HPX: variants seen among roughly 807,000 people sequenced by gnomAD.
HPX encodes the protein beta-1B-glycoprotein.
A neutral mutation model predicts 53.8 loss-of-function variants in HPX; 42 were observed. The ratio of observed to expected loss-of-function variants is 0.78; its 90% CI spans 0.61 to 1.01. HPX has a LOEUF of 1.01. Among genes scored for constraint, HPX ranks in the 50% least tolerant of loss-of-function variants. The probability of loss-of-function intolerance (pLI) is 0.00; values close to 1 mark genes in which losing one functional copy is unlikely to be tolerated. For synonymous variants in HPX, 229 were observed against 221.1 expected (o/e 1.04, Z -0.32); for missense variants, 547 against 594.3 (o/e 0.92, Z 0.83).
chr11:6,438,278 T>C, intron 5 of HPX, 78 bp downstream of exon 5: 2 of 1,432,184 alleles, frequency 1.4e-6, no homozygotes, highest in Non-Finnish European at 1.9e-6. Context: ...CCACCATCAC[T>C]ACCACTATCA....
At chr11:6,434,600 G>C (rs1164034070) in intron 7 of HPX, among the ~76,000 whole-genome samples, 2 of 152,154 alleles carry the variant, frequency 1.3e-5, no homozygotes, top group Non-Finnish European at 2.9e-5. Context: ...CACAGTGTTG[G>C]GATTATAGGC....
In HPX at chr11:6,435,969, CTCTT is replaced by C. The variant is rs1393174538; in HGVS notation, c.835+1073_835+1076del. The stretch of plus-strand genomic sequence containing the variant: ...TCACAATCTCTCACTCACTCTCTCT[CTCTT>C]TCTGCATTTCACTTTGTCTGTGTGT... On this transcript the variant is annotated intron_variant, in intron 7 of 9. Transcript: ENST00000265983. 2.0e-5 allele frequency among the ~76,000 whole-genome samples: 3 copies of C among 152,174 alleles called. No homozygotes were observed. The East Asian group carries it at 5.8e-4, about 29-fold the overall frequency.
Position 6,435,464 on chromosome 11 carries a change from TTTTG to T in HPX, c.835+1578_835+1581del, listed in dbSNP as rs201422155. The stretch of plus-strand genomic sequence containing the variant: ...GTTTGTTTGTTTGTTTTGTTTTGTT[TTTTG>T]TTTTTGTTTTTTTTGAGACATGGTC... On this transcript the variant is annotated intron_variant, in intron 7 of 9. Coordinates refer to ENST00000265983, the MANE Select transcript of HPX (RefSeq NM_000613.3). Among the ~76,000 whole-genome samples the T allele has an allele frequency of 3.5e-3, 529 of 152,162 alleles. 14 individuals carry two copies. The East Asian group carries it at 0.085, about 24-fold the overall frequency.
At chr11:6,432,279 C>T (rs185011421) in intron 7 of HPX, 1 of 516,664 alleles carries the variant, frequency 1.9e-6, no homozygotes, top group East Asian at 3.4e-5. Flanking sequence ...GTAAGGCCAA[C>T]ATCATGGGGT....
intron 4 of HPX, chr11:6,439,826 GGAACAAC>G: frequency 2.8e-6 from 1 of 359,694 alleles, no homozygotes; most frequent in Non-Finnish European, 5.4e-6. Context: ...CATTGTGTTG[GGAACAAC>G]TTGCCTTGCC....
intron 7 of HPX, 88 bp downstream of exon 7, chr11:6,436,958 T>G: frequency 7.0e-7 from 1 of 1,432,298 alleles, no homozygotes; most frequent in Non-Finnish European, 9.7e-7. Flanking sequence ...AGTGACACAG[T>G]GATGACAATG....
intron 7 of HPX, among the ~76,000 whole-genome samples, chr11:6,435,474 G>T (rs1220639715): frequency 6.6e-6 from 1 of 150,630 alleles, no homozygotes; most frequent in Non-Finnish European, 1.5e-5. Flanking sequence ...TTTTGTTTTT[G>T]TTTTTTTTGA....
At chr11:6,437,795 T>C (rs991786444) in intron 5 of HPX, 143 bp from the exon 6 acceptor site, 11 of 660,546 alleles carry the variant, frequency 1.7e-5, no homozygotes, top group African/African-American at 1.4e-4. Context: ...AGGAGGGTGA[T>C]CATACACCAA....
In HPX at chr11:6,440,301, A is replaced by C. The variant is rs1375563385; in HGVS notation, c.215-15T>G. 24 of 1,613,410 alleles carry C rather than the reference A, an allele frequency of 1.5e-5. No homozygotes were observed. Among genetic ancestry groups the C allele is most frequent in the Non-Finnish European group, 2.0e-5 (24 of 1,179,908 alleles). ...CACAAACTCCCCTGAAAAAACCCACACTCACTGAGGGGCCCAGTGAGAAAC... is the reference window on the plus strand; with the variant it reads ...CACAAACTCCCCTGAAAAAACCCACCCTCACTGAGGGGCCCAGTGAGAAAC... On this transcript the variant is annotated splice_polypyrimidine_tract_variant and intron_variant, in intron 3 of 9. Transcript: ENST00000265983.
At chr11:6,431,827 A>C (rs758795541) in intron 8 of HPX, 24 bp from the exon 9 acceptor site, 2 of 1,613,850 alleles carry the variant, frequency 1.2e-6, no homozygotes, top group Non-Finnish European at 1.7e-6. Context: ...GATGGTAATA[A>C]ATACAGAGTT....
intron 7 of HPX, among the ~76,000 whole-genome samples, chr11:6,433,718 C>A (rs1849380078): frequency 6.6e-6 from 1 of 152,192 alleles, no homozygotes; most frequent in South Asian, 2.1e-4. Flanking sequence ...CTGCTCAAGA[C>A]TTTCTGATGA....
At chr11:6,437,309 G>A in intron 6 of HPX, 131 bp downstream of exon 6, 1 of 1,373,860 alleles carries the variant, frequency 7.3e-7, no homozygotes. Flanking sequence ...AATCCAGAAT[G>A]GAAATGGGGC....
rs572210712 is a variant in HPX at position 6,439,686 on chromosome 11, A to G, written c.336+479T>C. 2.7e-4 allele frequency: 53 copies of G among 193,210 alleles called. 1 individual carries two copies. The highest frequency in any genetic ancestry group is 4.5e-4 in the Non-Finnish European group (41 of 91,766). 12.0% of individuals were successfully genotyped at this position (193,210 alleles called of 1,614,324 possible). ...AAAGCCGACAGTCAGGACTTCCCCA[A>G]CCACACAGCACCTTTGGCAAGGTAG... On this transcript the variant is annotated intron_variant, in intron 4 of 9. Transcript: ENST00000265983.
In HPX at chr11:6,437,616, G is replaced by A; in HGVS notation, c.527C>T (p.Thr176Ile). The change falls in exon 6 of 10, where the codon ACC (threonine) becomes ATC (isoleucine). Residue 176 changes from threonine to isoleucine, a missense_variant. Thr to Ile is a moderately conservative substitution (Grantham distance 89, BLOSUM62 -1). Coordinates refer to ENST00000265983, the MANE Select transcript of HPX (RefSeq NM_000613.3). Reference sequence around the variant, plus strand: ...AGCTGGCCAGGAACGCTCCTTCATGGTTCCCGTAGCCAAGTCCCAGAACCA... The same window carrying A: ...AGCTGGCCAGGAACGCTCCTTCATGATTCCCGTAGCCAAGTCCCAGAACCA... ...REWFWDLATGTMKERSWPAVG... is the reference protein window; with the variant it reads ...REWFWDLATGIMKERSWPAVG... The A allele has an allele frequency of 1.9e-6, 3 of 1,614,198 alleles. No individual in the cohort carries two copies. The highest frequency in any genetic ancestry group is 2.5e-6 in the Non-Finnish European group (3 of 1,180,040).
At position 6,432,005 on chromosome 11, in the gene HPX, C is replaced by T. The variant is rs1322327628; in HGVS notation, c.848G>A (p.Trp283Ter). ...GCCATCCCGGCTGGTGTCCAGACGC[C>T]AGTAGTGGGTCCCTGTGGAATACCA... ...ATYAFSGTHY[W>*]RLDTSRDGWH... The change falls in exon 8 of 10, where the codon TGG becomes TAG. Residue 283 changes from tryptophan to a stop codon, truncating the protein, a stop_gained. Transcript: ENST00000265983. LOFTEE classifies it high-confidence loss of function. The T allele has an allele frequency of 1.9e-6, 3 of 1,614,066 alleles. No homozygotes were observed. The highest frequency in any genetic ancestry group is 2.5e-6 in the Non-Finnish European group (3 of 1,180,034).
chr11:6,437,475 T>C lies in HPX; in HGVS notation c.668A>G (p.Asp223Gly), dbSNP rs1171049631. Residue 223 changes from aspartate (D) to glycine (G), a missense_variant, in exon 6 of 10, where the codon GAT (aspartate) becomes GGT (glycine). Coordinates refer to ENST00000265983, the MANE Select transcript of HPX (RefSeq NM_000613.3). ...GCAGGGCATGAAGTAGTCTCGGACATCCCGCGGGTACCTGGGAGGCACCTC... is the reference window on the plus strand; with the variant it reads ...GCAGGGCATGAAGTAGTCTCGGACACCCCGCGGGTACCTGGGAGGCACCTC... ...RGEVPPRYPR[D>G]VRDYFMPCPG... The C allele has an allele frequency of 6.2e-7, 1 of 1,614,072 alleles. No individual in the cohort carries two copies.
In HPX at chr11:6,437,651, A is replaced by G. The variant is rs1380050002; in HGVS notation, c.492T>C (p.Gly164=). 6 of 1,613,532 alleles carry G rather than the reference A, an allele frequency of 3.7e-6. No individual in the cohort carries two copies. In the African/African-American group the frequency reaches 6.7e-5, roughly 18 times the overall value. Residue 164 remains glycine, a splice_region_variant and synonymous_variant, in exon 6 of 10, where the codon GGT becomes GGC. Transcript: ENST00000265983. ...CQAEGVLFFQ[G]DREWFWDLAT... ...CCAAGTCCCAGAACCACTCGCGGTC[A>G]CCTTTGTCCAATCAATCAACAGGCA...
intron 7 of HPX, among the ~76,000 whole-genome samples, chr11:6,436,649 G>A (rs888207676): frequency 1.3e-5 from 2 of 152,192 alleles, no homozygotes; most frequent in African/African-American, 4.8e-5. Flanking sequence ...ATAAATCAGG[G>A]GGAGCCAGAG....
chr11:6,439,980 T>G (rs1590806260), intron 4 of HPX, 185 bp downstream of exon 4: 1 of 696,644 alleles, frequency 1.4e-6, no homozygotes, highest in Non-Finnish European at 2.5e-6. Context: ...CACTGGATGG[T>G]GCACCTGCCA....
Sources: allele counts gnomAD v4.1 joint callset (sites outside exome capture counted in the v4.1 genomes callset), GRCh38; gene constraint gnomAD v4.1.1; transcripts MANE v1.5; gene names NCBI Gene and HGNC (gene_info 2026-07-23, HGNC 2026-07-21).